The following PITPNM2 variants were observed in gnomAD, a reference collection of about 807,000 sequenced individuals.
PITPNM2 encodes the protein phosphatidylinositol transfer protein membrane associated 2.
A neutral mutation model predicts 132.2 loss-of-function variants in PITPNM2; 35 were observed. The ratio of observed to expected loss-of-function variants is 0.26; its 90% CI spans 0.20 to 0.35. The LOEUF is 0.35. Among genes scored for constraint, PITPNM2 ranks in the 10% least tolerant of loss-of-function variants. PITPNM2 has a pLI of 1.00. For missense variants in PITPNM2, 1,332 were observed against 1,912.0 expected, an observed-to-expected ratio of 0.70 and a Z score of 5.66; for synonymous variants, 738 against 799.2, an observed-to-expected ratio of 0.92 and a Z score of 1.29.
chr12:123,100,459 C>G (rs2042537029), intron 2 of PITPNM2, among the ~76,000 whole-genome samples: 1 of 152,182 alleles, frequency 6.6e-6, no homozygotes, highest in South Asian at 2.1e-4. Context: ...AACCCCGTCT[C>G]TACTAAAAAT....
intron 2 of PITPNM2, among the ~76,000 whole-genome samples, chr12:123,093,290 C>T (rs1046431703): frequency 3.9e-5 from 6 of 152,066 alleles, no homozygotes; most frequent in African/African-American, 1.4e-4. Context: ...TTTAAAAAAA[C>T]CTTTATTTAT....
rs565571507 is a variant in PITPNM2 at position 123,120,055 on chromosome 12, C to A, written c.-199-9567G>T. 2.0e-5 allele frequency among the ~76,000 whole-genome samples: 3 copies of A among 152,240 alleles called. No individual in the cohort carries two copies. In the East Asian group the frequency reaches 5.8e-4, roughly 29 times the overall value. ...TCATCACAGGTGCCTGTATGGCCTG[C>A]CGGGGTTTTGCTGCATAGCCGACAA... On this transcript the variant is annotated intron_variant, in intron 1 of 25. Transcript: ENST00000320201.
intron 3 of PITPNM2, among the ~76,000 whole-genome samples, chr12:123,030,373 T>C (rs1279620725): frequency 6.6e-6 from 1 of 152,140 alleles, no homozygotes; most frequent in African/African-American, 2.4e-5. Context: ...ATTCCCTTCC[T>C]AGGTGTAGAC....
In PITPNM2 at chr12:123,111,971, G is replaced by A. The variant is rs2042846470; in HGVS notation, c.-199-1483C>T. 6.6e-6 allele frequency among the ~76,000 whole-genome samples: 1 copy of A among 152,066 alleles called. No individual in the cohort carries two copies. Among genetic ancestry groups the A allele is most frequent in the Non-Finnish European group, 1.5e-5 (1 of 68,006 alleles). ...TGCCATGGTAACGCACCCATCAATG[G>A]CGAGCCAGATTTGGTAGACCAGCCC... On this transcript the variant is annotated intron_variant, in intron 1 of 25. Coordinates refer to ENST00000320201, the MANE Select transcript of PITPNM2 (RefSeq NM_020845.3). The surrounding 1 kb of genome is among the most constrained non-coding windows in gnomAD (Gnocchi z 4.1).
intron 1 of PITPNM2, among the ~76,000 whole-genome samples, chr12:123,134,962 T>C (rs1244395848): frequency 6.6e-6 from 1 of 152,208 alleles, no homozygotes; most frequent in Non-Finnish European, 1.5e-5. Flanking sequence ...CTGGTGGGCC[T>C]AGCAGGAGAA....
chr12:123,054,992 A>C (rs1424687899), intron 2 of PITPNM2, among the ~76,000 whole-genome samples: 1 of 152,112 alleles, frequency 6.6e-6, no homozygotes, highest in East Asian at 1.9e-4. Context: ...TGAATCCGGG[A>C]GCAGAGGCTG....
intron 8 of PITPNM2, among the ~76,000 whole-genome samples, chr12:123,002,906 T>A (rs1227840142): frequency 1.3e-5 from 2 of 152,110 alleles, no homozygotes; most frequent in Admixed American, 6.6e-5. Flanking sequence ...TTTAAAAAAA[T>A]TTTTTTATTT....
chr12:123,032,348 G>T (rs888364994), intron 3 of PITPNM2, among the ~76,000 whole-genome samples: 1 of 152,108 alleles, frequency 6.6e-6, no homozygotes, highest in Non-Finnish European at 1.5e-5. Context: ...GTGGTGGCGC[G>T]TGCCTGTAAT....
intron 1 of PITPNM2, among the ~76,000 whole-genome samples, chr12:123,126,643 G>A (rs958258843): frequency 6.6e-6 from 1 of 152,176 alleles, no homozygotes; most frequent in Non-Finnish European, 1.5e-5. Flanking sequence ...TTCAGCCTGT[G>A]GGACAGCTGG....
At chr12:123,096,285 G>A (rs2042408503) in intron 2 of PITPNM2, among the ~76,000 whole-genome samples, 1 of 152,190 alleles carries the variant, frequency 6.6e-6, no homozygotes, top group African/African-American at 2.4e-5. Context: ...CTGCTTGCAT[G>A]CCCCAGCTCT....
At position 123,009,567 on chromosome 12, in the gene PITPNM2, T is replaced by C. The variant is rs1283639095; in HGVS notation, c.643+283A>G. ...GGGCTACTCTTTATCAAATGCGAAC[T>C]AGGTCAGGAATGTCTGGGGGCAGTG... is the stretch of plus-strand genomic sequence containing the variant. On this transcript the variant is annotated intron_variant, in intron 6 of 25. Coordinates refer to ENST00000320201, the MANE Select transcript of PITPNM2 (RefSeq NM_020845.3). The surrounding 1 kb of genome is among the most constrained non-coding windows in gnomAD (Gnocchi z 4.8). 6.6e-6 allele frequency among the ~76,000 whole-genome samples: 1 copy of C among 152,190 alleles called. No homozygotes were observed. Among genetic ancestry groups the C allele is most frequent in the Non-Finnish European group, 1.5e-5 (1 of 68,024 alleles).
intron 2 of PITPNM2, among the ~76,000 whole-genome samples, chr12:123,068,379 C>A (rs1376898839): frequency 2.0e-5 from 3 of 151,876 alleles, no homozygotes; most frequent in Non-Finnish European, 2.9e-5. Context: ...ACCTGGGAGG[C>A]GGAGCTTGCA....
chr12:123,040,000 A>C (rs2040407234), intron 2 of PITPNM2, among the ~76,000 whole-genome samples: 1 of 152,076 alleles, frequency 6.6e-6, no homozygotes, highest in African/African-American at 2.4e-5. Flanking sequence ...GGTGTGGTGG[A>C]GTGCCTGTAG....
chr12:123,095,665 C>G lies in PITPNM2; in HGVS notation c.-96+14720G>C, dbSNP rs2042389989. 6.6e-6 allele frequency among the ~76,000 whole-genome samples: 1 copy of G among 152,204 alleles called. No individual in the cohort carries two copies. Among genetic ancestry groups the G allele is most frequent in the East Asian group, 1.9e-4 (1 of 5,180 alleles). The stretch of plus-strand genomic sequence containing the variant: ...CTCCTTAACTAGGGCACGAGGCCCC[C>G]AACCTGGTCCTCCCTGCAGCTCAGC... On this transcript the variant is annotated intron_variant, in intron 2 of 25. Coordinates refer to ENST00000320201, the MANE Select transcript of PITPNM2 (RefSeq NM_020845.3). This position sits in a 1 kb window ranked among gnomAD's most constrained non-coding sequence, Gnocchi z 5.0.
intron 14 of PITPNM2, 59 bp downstream of exon 14, chr12:122,995,330 C>T: frequency 6.6e-7 from 1 of 1,524,358 alleles, no homozygotes; most frequent in South Asian, 1.3e-5. Context: ...GGATGTTCCT[C>T]CCTCTTGGAG....
chr12:123,014,315 CCAAGATCAGGAACAAGA>C (rs1373666510), intron 3 of PITPNM2, among the ~76,000 whole-genome samples: 1 of 152,218 alleles, frequency 6.6e-6, no homozygotes, highest in Non-Finnish European at 1.5e-5. Flanking sequence ...AAAAGCGTTC[CCAAGATCAGGAACAAGA>C]CAAGGATGCC....
intron 2 of PITPNM2, among the ~76,000 whole-genome samples, chr12:123,071,746 C>T (rs1189228295): frequency 1.3e-5 from 2 of 152,246 alleles, no homozygotes; most frequent in Non-Finnish European, 2.9e-5. Flanking sequence ...TCTCACACAA[C>T]GCCCATGGGG....
rs1018435512 is a variant in PITPNM2 at position 122,987,449 on chromosome 12, G to C, written c.3264-19C>G. ...GTCTCCCCTGGCAGGTGGTGGGGGT[G>C]CTCATCAGAACCACCCAGAGCCTCG... On this transcript the variant is annotated intron_variant, in intron 22 of 25. Transcript: ENST00000320201. 1 of 1,613,414 alleles carries C rather than the reference G, an allele frequency of 6.2e-7. No individual in the cohort carries two copies. The highest frequency in any genetic ancestry group is 8.5e-7 in the Non-Finnish European group (1 of 1,179,654).
chr12:122,996,449 CT>C lies in PITPNM2; in HGVS notation c.1782+8del. 6.2e-7 allele frequency: 1 copy of C among 1,612,876 alleles called. No individual in the cohort carries two copies. The highest frequency in any genetic ancestry group is 2.2e-5 in the East Asian group (1 of 44,876). ...GCCTTGGGGACTGTCTGGGCCCCCA[CT>C]TGGGTACCTGCATGCTGACCACGCT... On this transcript the variant is annotated splice_region_variant and intron_variant, in intron 13 of 25. Coordinates refer to ENST00000320201, the MANE Select transcript of PITPNM2 (RefSeq NM_020845.3).
Sources: gnomAD v4.1 joint callset for allele counts (sites outside exome capture counted in the v4.1 genomes callset) on GRCh38, gnomAD v4.1.1 for gene constraint, Gnocchi (gnomAD v3.1) non-coding constraint, MANE v1.5 for transcripts, NCBI Gene and HGNC (gene_info 2026-07-23, HGNC 2026-07-21) for gene names.